RANBP17: variants seen among roughly 807,000 people sequenced by gnomAD.
RANBP17 encodes RAN binding protein 17.
Under a neutral mutation model 141.2 loss-of-function variants are expected in RANBP17, and 158 were observed. The ratio of observed to expected loss-of-function variants is 1.12; its 90% CI spans 0.98 to 1.28. RANBP17 has a LOEUF of 1.28. RANBP17 is among the 50% of genes most tolerant of loss of function. RANBP17 has a pLI of 0.00. For missense variants in RANBP17, 1,438 were observed against 1,290.7 expected (o/e 1.11, Z -1.75); for synonymous variants, 430 against 450.0 (o/e 0.96, Z 0.56).
At position 171,265,779 on chromosome 5, in the gene RANBP17, A is replaced by G. The variant is rs776723669; in HGVS notation, c.2875A>G (p.Arg959Gly). The G allele has an allele frequency of 3.7e-6, 6 of 1,614,050 alleles. No individual in the cohort carries two copies. Among genetic ancestry groups the G allele is most frequent in the Non-Finnish European group, 5.1e-6 (6 of 1,180,014 alleles). The stretch of plus-strand genomic sequence containing the variant: ...AGAGGGCAAGAAGCCACTTCGATGC[A>G]GAGAGGCTACCCAGGCTGGTCAGAG... ...AKEGKKPLRC[R>G]EATQAGQRLL... Residue 959 changes from arginine to glycine, a missense_variant, in exon 25 of 28, where the codon AGA (arginine) becomes GGA (glycine). Coordinates refer to ENST00000523189, the MANE Select transcript of RANBP17 (RefSeq NM_022897.5).
intron 14 of RANBP17, among the ~76,000 whole-genome samples, chr5:171,147,548 T>C (rs1245863618): frequency 2.6e-5 from 4 of 151,812 alleles, no homozygotes; most frequent in Non-Finnish European, 4.4e-5. Flanking sequence ...TCCGAGTAGC[T>C]GGGATTACAG....
chr5:170,919,485 G>A lies in RANBP17; in HGVS notation c.1146G>A (p.Leu382=), dbSNP rs1248312961. Residue 382 remains leucine, a synonymous_variant, in exon 11 of 28, where the codon CTG becomes CTA. Transcript: ENST00000523189. ...ACAGTGTTCATTATTTATTAACTCT[G>A]TGGCAAAGGATGGTAGCATCTGTTC... ...APNSVHYLLT[L]WQRMVASVPF... 6.2e-7 allele frequency: 1 copy of A among 1,608,964 alleles called. No homozygotes were observed. The highest frequency in any genetic ancestry group is 1.3e-5 in the African/African-American group (1 of 74,642).
chr5:171,156,887 T>C (rs952476772), intron 14 of RANBP17, among the ~76,000 whole-genome samples: 1 of 152,166 alleles, frequency 6.6e-6, no homozygotes, highest in Non-Finnish European at 1.5e-5. Flanking sequence ...AGTCTTTTTT[T>C]CTCCGGGGCA....
chr5:171,161,486 A>T (rs1759349239), intron 14 of RANBP17: 1 of 193,892 alleles, frequency 5.2e-6, no homozygotes, highest in African/African-American at 2.3e-5. Context: ...GTTGCTGGTT[A>T]TGATGGTGGA....
intron 14 of RANBP17, among the ~76,000 whole-genome samples, chr5:171,063,971 G>T (rs779648): frequency 0.61 from 93,035 of 152,150 alleles, 29,821 homozygotes; most frequent in South Asian, 0.88. Flanking sequence ...CAAGCCAGGT[G>T]CGGGATATAA....
At chr5:171,173,326 C>T (rs1363014063) in intron 16 of RANBP17, among the ~76,000 whole-genome samples, 1 of 151,910 alleles carries the variant, frequency 6.6e-6, no homozygotes, top group African/African-American at 2.4e-5. Flanking sequence ...TGACATTCTT[C>T]AGCAATAGAA....
At chr5:171,249,500 A>T (rs1253572327) in intron 24 of RANBP17, among the ~76,000 whole-genome samples, 2 of 152,348 alleles carry the variant, frequency 1.3e-5, no homozygotes, top group East Asian at 3.9e-4. Flanking sequence ...AGTGTGTTAT[A>T]AGAGAAATCT....
chr5:171,027,295 T>C (rs1346840497), intron 14 of RANBP17, among the ~76,000 whole-genome samples: 1 of 152,208 alleles, frequency 6.6e-6, no homozygotes, highest in Admixed American at 6.6e-5. Context: ...TCAGCTACTT[T>C]AAAGCAGTGT....
At chr5:171,088,548 T>A (rs1361749502) in intron 14 of RANBP17, among the ~76,000 whole-genome samples, 334 of 143,662 alleles carry the variant, frequency 2.3e-3, no homozygotes, top group South Asian at 5.0e-3. Context: ...GATAATATCC[T>A]GCAGAGTGTT....
Position 170,892,557 on chromosome 5 carries a change from A to G in RANBP17, c.423+4A>G, listed in dbSNP as rs1199590295. 4 of 1,612,374 alleles carry G rather than the reference A, an allele frequency of 2.5e-6. No individual in the cohort carries two copies. The highest frequency in any genetic ancestry group is 3.4e-6 in the Non-Finnish European group (4 of 1,179,094). ...TGATGTGAAGAAGTTTCTCCAGGTA[A>G]GAAGTCATTGCTACATGGTTAGAAC... On this transcript the variant is annotated splice_donor_region_variant and intron_variant, in intron 4 of 27. Coordinates refer to ENST00000523189, the MANE Select transcript of RANBP17 (RefSeq NM_022897.5).
At chr5:170,945,301 A>G (rs377667272) in intron 12 of RANBP17, among the ~76,000 whole-genome samples, 12 of 152,320 alleles carry the variant, frequency 7.9e-5, no homozygotes, top group African/African-American at 2.9e-4. Context: ...ATCTGACGTA[A>G]GGCACAGAAA....
At chr5:171,164,455 A>G (rs894216815) in intron 14 of RANBP17, among the ~76,000 whole-genome samples, 7 of 152,156 alleles carry the variant, frequency 4.6e-5, no homozygotes, top group African/African-American at 9.6e-5. Context: ...TTTTAAAACC[A>G]TATGTAACAT....
chr5:171,239,987 A>T (rs1049694447), intron 22 of RANBP17, among the ~76,000 whole-genome samples: 1 of 152,186 alleles, frequency 6.6e-6, no homozygotes, highest in African/African-American at 2.4e-5. Context: ...GCCCACAACC[A>T]TAAAGGGAAG....
chr5:170,933,911 C>G (rs1426208720), intron 12 of RANBP17, among the ~76,000 whole-genome samples: 5 of 152,124 alleles, frequency 3.3e-5, no homozygotes, highest in African/African-American at 1.2e-4. Flanking sequence ...GTGGAGCGTT[C>G]TGTAGATGTC....
At chr5:170,909,598 T>TTTTTA in intron 5 of RANBP17, 63 bp from the exon 6 acceptor site, 3 of 513,762 alleles carry the variant, frequency 5.8e-6, no homozygotes, top group Non-Finnish European at 1.0e-5. Context: ...TTTTTTTTTT[T>TTTTTA]AGTAAATTTT....
chr5:170,971,465 A>G (rs893498845), intron 14 of RANBP17, among the ~76,000 whole-genome samples: 1 of 152,180 alleles, frequency 6.6e-6, no homozygotes, highest in African/African-American at 2.4e-5. Context: ...AAGTGGTTCA[A>G]CCTGGATTTG....
At chr5:170,934,906 A>C (rs997359434) in intron 12 of RANBP17, among the ~76,000 whole-genome samples, 12 of 152,174 alleles carry the variant, frequency 7.9e-5, no homozygotes, top group African/African-American at 2.9e-4. Flanking sequence ...GTGGTTTCCA[A>C]CTTGGTTCCA....
At chr5:171,060,047 G>C (rs562686527) in intron 14 of RANBP17, among the ~76,000 whole-genome samples, 1 of 44,328 alleles carries the variant, frequency 2.3e-5, no homozygotes, top group Admixed American at 3.0e-4. Context: ...TTGCTTATCA[G>C]CTTAAGGAGA....
At chr5:171,258,148 CA>C (rs1766041626) in intron 24 of RANBP17, among the ~76,000 whole-genome samples, 1 of 150,878 alleles carries the variant, frequency 6.6e-6, no homozygotes, top group South Asian at 2.1e-4. Context: ...CACACACACA[CA>C]CACACACACA....
Sources: allele counts gnomAD v4.1 joint callset (sites outside exome capture counted in the v4.1 genomes callset), GRCh38; gene constraint gnomAD v4.1.1; transcripts MANE v1.5; gene names NCBI Gene and HGNC (gene_info 2026-07-23, HGNC 2026-07-21).